CNIH3: variants seen among roughly 807,000 people sequenced by gnomAD.
The protein encoded by CNIH3 is protein cornichon homolog 3.
Under a neutral mutation model 24.1 loss-of-function variants are expected in CNIH3, and 14 were observed. The ratio of observed to expected loss-of-function variants is 0.58; its 90% confidence interval spans 0.38 to 0.91. The LOEUF (loss-of-function observed/expected upper bound fraction) is 0.91. CNIH3 is among the 40% of genes least tolerant of loss of function. CNIH3 has a pLI of 0.00. For missense variants in CNIH3, 178 were observed against 196.8 expected (o/e 0.90, Z 0.57); for synonymous variants, 68 against 73.8 (o/e 0.92, Z 0.40).
intron 4 of CNIH3, chr1:224,574,641 T>G: frequency 2.2e-6 from 2 of 893,444 alleles, no homozygotes; most frequent in Admixed American, 3.4e-5. Flanking sequence ...GGTGGTGAAG[T>G]GTGAGGAGCT....
At chr1:224,490,826 G>A (rs1265180214) in intron 1 of CNIH3, among the ~76,000 whole-genome samples, 1 of 152,146 alleles carries the variant, frequency 6.6e-6, no homozygotes, top group African/African-American at 2.4e-5. Flanking sequence ...AATCACAGCA[G>A]GTTCAGAGAG....
intron 1 of CNIH3, among the ~76,000 whole-genome samples, chr1:224,654,393 A>G (rs911763654): frequency 6.6e-6 from 1 of 152,220 alleles, no homozygotes; most frequent in Non-Finnish European, 1.5e-5. Flanking sequence ...ACAACAACGA[A>G]AAAAAGATTT....
At chr1:224,736,460 G>A (rs541180084) in intron 5 of CNIH3, among the ~76,000 whole-genome samples, 18 of 152,326 alleles carry the variant, frequency 1.2e-4, no homozygotes, top group Middle Eastern at 6.8e-3. Context: ...AAAACCTCTA[G>A]AAAAGTCTTC....
intron 2 of CNIH3, among the ~76,000 whole-genome samples, chr1:224,525,614 G>A (rs1240289119): frequency 1.3e-5 from 2 of 152,222 alleles, no homozygotes; most frequent in Admixed American, 6.5e-5. Context: ...AATGGGGGGT[G>A]GAGGCAGTAG....
At chr1:224,497,822 G>A (rs1677497647) in intron 1 of CNIH3, among the ~76,000 whole-genome samples, 1 of 152,194 alleles carries the variant, frequency 6.6e-6, no homozygotes, top group African/African-American at 2.4e-5. Flanking sequence ...AAACTGAGAA[G>A]TAGTTGACAC....
intron 1 of CNIH3, among the ~76,000 whole-genome samples, chr1:224,630,988 A>G (rs1683791221): frequency 2.0e-5 from 3 of 152,146 alleles, no homozygotes; most frequent in Middle Eastern, 3.4e-3. Context: ...GTGAAGCCCC[A>G]TCTCTACTAA....
upstream of CNIH3, among the ~76,000 whole-genome samples, chr1:224,515,542 T>C (rs1388856759): frequency 6.6e-6 from 1 of 152,236 alleles, no homozygotes; most frequent in Non-Finnish European, 1.5e-5. Flanking sequence ...GAGATCTGAT[T>C]ATATTGTCTT....
At chr1:224,701,805 A>C (rs1292132773) in intron 3 of CNIH3, among the ~76,000 whole-genome samples, 6 of 152,186 alleles carry the variant, frequency 3.9e-5, no homozygotes, top group Non-Finnish European at 8.8e-5. Flanking sequence ...TAAGTAACAT[A>C]AGCTAGTACA....
chr1:224,585,483 T>A (rs1681464395), intron 5 of CNIH3, among the ~76,000 whole-genome samples: 1 of 151,868 alleles, frequency 6.6e-6, no homozygotes, highest in East Asian at 1.9e-4. Flanking sequence ...TATTCTTTTT[T>A]TTTTTTTATT....
At chr1:224,538,678 A>G (rs867303939), downstream of CNIH3, among the ~76,000 whole-genome samples, 1 of 147,682 alleles carries the variant, frequency 6.8e-6, no homozygotes, top group Non-Finnish European at 1.5e-5. Flanking sequence ...TTTTTTTTTA[A>G]GAGACAGGGT....
chr1:224,687,793 A>C (rs546853141), intron 3 of CNIH3, among the ~76,000 whole-genome samples: 44 of 152,334 alleles, frequency 2.9e-4, no homozygotes, highest in African/African-American at 1.1e-3. Context: ...ATGGCAGCCA[A>C]ACAAGGCACG....
chr1:224,708,549 G>A (rs768593140), intron 3 of CNIH3, among the ~76,000 whole-genome samples: 8 of 152,214 alleles, frequency 5.3e-5, no homozygotes, highest in African/African-American at 9.6e-5. Context: ...CTTGCAGTCC[G>A]GCAGATGTGC....
At position 224,616,794 on chromosome 1, in the gene CNIH3, G is replaced by A. The variant is rs1683020779; in HGVS notation, c.-381G>A. 9.4e-7 allele frequency: 1 copy of A among 1,059,316 alleles called. No homozygotes were observed. Among genetic ancestry groups the A allele is most frequent in the African/African-American group, 1.7e-5 (1 of 59,588 alleles). The allele number at this position is 1,059,316 out of a possible 1,614,324, so 65.6% of individuals were successfully genotyped here. ...AGAGAGCTCTTCCTGGGGCGAATGGGACCTCCTCCCTCGGTCCTCCGTGGA... is the reference window on the plus strand; with the variant it reads ...AGAGAGCTCTTCCTGGGGCGAATGGAACCTCCTCCCTCGGTCCTCCGTGGA... On this transcript the variant is annotated 5_prime_UTR_variant, in exon 1 of 6. Transcript: ENST00000272133.
chr1:224,733,653 A>G (rs772518885), intron 4 of CNIH3, among the ~76,000 whole-genome samples: 20 of 152,294 alleles, frequency 1.3e-4, no homozygotes, highest in Non-Finnish European at 4.4e-5. Context: ...CTTTACCACC[A>G]TTGAGAACCA....
chr1:224,517,994 T>G (rs1432679657), intron 1 of CNIH3, among the ~76,000 whole-genome samples: 3 of 152,118 alleles, frequency 2.0e-5, no homozygotes, highest in Non-Finnish European at 4.4e-5. Flanking sequence ...GAGCGATCCT[T>G]TAGCAAGCGG....
chr1:224,633,345 G>A (rs183421883), intron 1 of CNIH3, among the ~76,000 whole-genome samples: 39 of 152,180 alleles, frequency 2.6e-4, no homozygotes, highest in African/African-American at 8.9e-4. Context: ...TTTTTGTAGA[G>A]ATGGGGTTTT....
chr1:224,637,038 G>A (rs56825738), intron 1 of CNIH3, among the ~76,000 whole-genome samples: 1,613 of 149,338 alleles, frequency 0.011, 21 homozygotes, highest in African/African-American at 0.036. Flanking sequence ...TGCAACCTCC[G>A]CCTCCCGGGT....
chr1:224,677,071 C>T (rs12143246), intron 1 of CNIH3, among the ~76,000 whole-genome samples: 6,334 of 152,250 alleles, frequency 0.042, 213 homozygotes, highest in East Asian at 0.15. Flanking sequence ...AAAGAGTAAT[C>T]GTGGGCAAGT....
upstream of CNIH3, among the ~76,000 whole-genome samples, chr1:224,515,096 C>A (rs1286927603): frequency 2.6e-5 from 4 of 152,198 alleles, no homozygotes; most frequent in African/African-American, 9.7e-5. Flanking sequence ...TTTTAGTAGG[C>A]AGTGCCCACT....
Sources: gnomAD v4.1 joint callset for allele counts (sites outside exome capture counted in the v4.1 genomes callset) on GRCh38, gnomAD v4.1.1 for gene constraint, MANE v1.5 for transcripts, NCBI Gene and HGNC (gene_info 2026-07-23, HGNC 2026-07-21) for gene names.